The following PCDHGA1 variants were observed in gnomAD, a reference collection of about 807,000 sequenced individuals.
PCDHGA1 encodes the protein protocadherin gamma subfamily A, 1.
In PCDHGA1, 32 loss-of-function variants were observed where a neutral mutation model predicts 58.0. That is an observed-to-expected ratio of 0.55 (90% CI 0.42 to 0.74). The LOEUF is 0.74. PCDHGA1 is among the 30% of genes least tolerant of loss of function. The pLI, the probability that PCDHGA1 is intolerant of heterozygous loss-of-function variation, is 0.00. For missense variants in PCDHGA1, 1,205 were observed against 1,182.3 expected (o/e 1.02, Z -0.28); for synonymous variants, 498 against 501.1 (o/e 0.99, Z 0.08).
chr5:141,457,054 T>C (rs1410535170), intron 1 of PCDHGA1, among the ~76,000 whole-genome samples: 1 of 152,242 alleles, frequency 6.6e-6, no homozygotes, highest in Non-Finnish European at 1.5e-5. Context: ...ACTTTCATGC[T>C]TCCTTTTTGC....
intron 1 of PCDHGA1, chr5:141,404,241 C>A (rs960579159): frequency 6.2e-7 from 1 of 1,613,458 alleles, no homozygotes; most frequent in African/African-American, 1.3e-5. Context: ...AGAGGAACTC[C>A]GCCCCTGTCC....
intron 1 of PCDHGA1, among the ~76,000 whole-genome samples, chr5:141,461,886 C>T (rs944110458): frequency 3.3e-5 from 5 of 151,972 alleles, no homozygotes; most frequent in South Asian, 2.1e-4. Context: ...TGCAATGGCA[C>T]GATCTCGGCT....
rs1349189547 is a variant in PCDHGA1 at position 141,432,777 on chromosome 5, C to A, written c.2422-62030C>A. 1.2e-6 allele frequency: 2 copies of A among 1,614,154 alleles called. No individual in the cohort carries two copies. The highest frequency in any genetic ancestry group is 1.3e-5 in the African/African-American group (1 of 75,062). ...GCCGACAGCATCCCCCAAGTCCTGGCGGACCTCGGCAGCCTCGAGTCTCCA... is the reference window on the plus strand; with the variant it reads ...GCCGACAGCATCCCCCAAGTCCTGGAGGACCTCGGCAGCCTCGAGTCTCCA... On this transcript the variant is annotated intron_variant, in intron 1 of 3. Transcript: ENST00000517417. This position sits in a 1 kb window ranked among gnomAD's most constrained non-coding sequence, Gnocchi z 6.0.
chr5:141,368,392 C>T (rs978574831), intron 1 of PCDHGA1, among the ~76,000 whole-genome samples: 2 of 152,084 alleles, frequency 1.3e-5, no homozygotes, highest in African/African-American at 4.8e-5. Context: ...TACACACACA[C>T]AAACACACAT....
Position 141,491,422 on chromosome 5 carries a change from G to A in PCDHGA1, c.2422-3385G>A. 1 of 1,614,112 alleles carries A rather than the reference G, an allele frequency of 6.2e-7. No individual in the cohort carries two copies. Among genetic ancestry groups the A allele is most frequent in the East Asian group, 2.2e-5 (1 of 44,874 alleles). On this transcript the variant is annotated intron_variant, in intron 1 of 3. Coordinates refer to ENST00000517417, the MANE Select transcript of PCDHGA1 (RefSeq NM_018912.3). The surrounding 1 kb of genome is among the most constrained non-coding windows in gnomAD (Gnocchi z 6.9). The stretch of plus-strand genomic sequence containing the variant: ...AAACGCAGACGGGGACGGGGGTGGA[G>A]GGCAGTGCTGCAGGCGCCAGGACTC...
chr5:141,419,981 A>G (rs2096455772), intron 1 of PCDHGA1: 2 of 1,613,934 alleles, frequency 1.2e-6, no homozygotes, highest in East Asian at 2.2e-5. Flanking sequence ...CCTCGCGGTG[A>G]TTCTAGCTAT....
chr5:141,408,437 G>A (rs368564960), intron 1 of PCDHGA1: 1 of 1,614,068 alleles, frequency 6.2e-7, no homozygotes, highest in Admixed American at 1.7e-5. Flanking sequence ...CAGCGTAGAC[G>A]CGGAGAGCGG....
intron 1 of PCDHGA1, among the ~76,000 whole-genome samples, chr5:141,382,107 C>T (rs1777954814): frequency 6.6e-6 from 1 of 152,002 alleles, no homozygotes; most frequent in Non-Finnish European, 1.5e-5. Flanking sequence ...GGATTACAGG[C>T]GTGAGCAACA....
At chr5:141,374,798 A>T in intron 1 of PCDHGA1, 1 of 1,613,784 alleles carries the variant, frequency 6.2e-7, no homozygotes, top group Non-Finnish European at 8.5e-7. Flanking sequence ...GAATGACAAC[A>T]CTCCAATGTT....
chr5:141,414,302 A>G (rs2095732200), intron 1 of PCDHGA1: 3 of 1,613,678 alleles, frequency 1.9e-6, no homozygotes, highest in Non-Finnish European at 2.5e-6. Flanking sequence ...TTAAATGTGC[A>G]TGATTTAGAC....
Position 141,421,937 on chromosome 5 carries a change from A to G in PCDHGA1, c.2422-72870A>G, listed in dbSNP as rs375878901. The G allele has an allele frequency of 1.5e-5, 25 of 1,613,402 alleles. No homozygotes were observed. In the African/African-American group the frequency reaches 1.6e-4, roughly 10 times the overall value. ...ATTCGTGTGGTGGTCCTCGATGTAA[A>G]TGATCACATCCCAATGTTTACACAG... On this transcript the variant is annotated intron_variant, in intron 1 of 3. Coordinates refer to ENST00000517417, the MANE Select transcript of PCDHGA1 (RefSeq NM_018912.3).
intron 1 of PCDHGA1, chr5:141,392,764 C>T (rs1589161528): frequency 1.4e-6 from 2 of 1,480,722 alleles, no homozygotes; most frequent in South Asian, 2.8e-5. Context: ...CTAAATAAGA[C>T]CCATTTATGC....
At chr5:141,480,178 C>T (rs143309515) in intron 1 of PCDHGA1, among the ~76,000 whole-genome samples, 346 of 150,752 alleles carry the variant, frequency 2.3e-3, no homozygotes, top group Non-Finnish European at 2.8e-3. Flanking sequence ...CTGAGGCAGG[C>T]GGATTGCTTG....
chr5:141,476,018 A>G lies in PCDHGA1; in HGVS notation c.2422-18789A>G. 7.3e-7 allele frequency: 1 copy of G among 1,371,412 alleles called. No homozygotes were observed. Among genetic ancestry groups the G allele is most frequent in the African/African-American group, 1.4e-5 (1 of 69,226 alleles). The allele number at this position is 1,371,412 out of a possible 1,614,324, so 85.0% of individuals were successfully genotyped here. A position where few individuals can be genotyped will look rare whatever the true frequency, so the allele number is the denominator to read the frequency against. The stretch of plus-strand genomic sequence containing the variant: ...AACGGCATCCAGAAAGCCATGTCGG[A>G]CTCGGCGCCCAGCGCCCAAGCGCTA... On this transcript the variant is annotated intron_variant, in intron 1 of 3. Coordinates refer to ENST00000517417, the MANE Select transcript of PCDHGA1 (RefSeq NM_018912.3). This position sits in a 1 kb window ranked among gnomAD's most constrained non-coding sequence, Gnocchi z 7.6.
intron 3 of PCDHGA1, among the ~76,000 whole-genome samples, chr5:141,506,349 T>A (rs894933059): frequency 8.0e-5 from 12 of 150,304 alleles, no homozygotes; most frequent in Admixed American, 2.7e-4. Context: ...CTTGGGAGGC[T>A]GAGGCAGGAG....
chr5:141,437,156 G>T (rs2097864365), intron 1 of PCDHGA1, among the ~76,000 whole-genome samples: 1 of 152,172 alleles, frequency 6.6e-6, no homozygotes, highest in African/African-American at 2.4e-5. Context: ...TAACATATGT[G>T]TTGATTGTTT....
intron 1 of PCDHGA1, chr5:141,389,594 T>G (rs1458391866): frequency 1.2e-5 from 19 of 1,613,068 alleles, no homozygotes; most frequent in Non-Finnish European, 1.5e-5. Flanking sequence ...CCGACGGCTC[T>G]GCGCTCTTCG....
chr5:141,390,749 ACT>A (rs2092225079), intron 1 of PCDHGA1: 1 of 170,960 alleles, frequency 5.8e-6, no homozygotes, highest in Admixed American at 5.7e-5. Flanking sequence ...ATAGTAGTCC[ACT>A]GTTTTGTTTC....
chr5:141,371,501 C>G, intron 1 of PCDHGA1: 1 of 1,613,882 alleles, frequency 6.2e-7, no homozygotes, highest in South Asian at 1.1e-5. Context: ...TTGCCCTGAT[C>G]AAAACACATG....
Sources: gnomAD v4.1 joint callset for allele counts (sites outside exome capture counted in the v4.1 genomes callset) on GRCh38, gnomAD v4.1.1 for gene constraint, Gnocchi (gnomAD v3.1) non-coding constraint, MANE v1.5 for transcripts, NCBI Gene and HGNC (gene_info 2026-07-23, HGNC 2026-07-21) for gene names.